HOXB6: variants seen among roughly 807,000 people sequenced by gnomAD.
The protein encoded by HOXB6 is homeobox B6.
A neutral mutation model predicts 24.2 loss-of-function variants in HOXB6; 18 were observed. That is an observed-to-expected ratio of 0.74 (90% CI 0.51 to 1.10). HOXB6 has a LOEUF of 1.10. Among genes scored for constraint, HOXB6 ranks in the 50% least tolerant of loss-of-function variants. The pLI is 0.00. For synonymous variants in HOXB6, 159 were observed against 139.1 expected (o/e 1.14, Z -1.01); for missense variants, 332 against 308.3 (o/e 1.08, Z -0.58).
At position 48,596,003 on chromosome 17, in the gene HOXB6, A is replaced by G. The variant is rs965230936; in HGVS notation, c.*410T>C. ...AGAGACGACAGGTCTGGGATCAGGG[A>G]GTCTTCAAGGCCCCCGCTGAGGGGA... On this transcript the variant is annotated 3_prime_UTR_variant, in exon 4 of 4. Coordinates refer to ENST00000225648, the MANE Select transcript of HOXB6 (RefSeq NM_018952.5). This position sits in a 1 kb window ranked among gnomAD's most constrained non-coding sequence, Gnocchi z 4.8. The G allele has an allele frequency of 4.3e-6, 2 of 462,132 alleles. No homozygotes were observed. The highest frequency in any genetic ancestry group is 4.0e-5 in the African/African-American group (2 of 50,356). 28.6% of individuals were successfully genotyped at this position (462,132 alleles called of 1,614,324 possible).
intron 2 of HOXB6, 48 bp downstream of exon 2, chr17:48,604,432 C>T (rs776575666): frequency 1.3e-5 from 2 of 152,310 alleles, no homozygotes; most frequent in African/African-American, 4.8e-5. Context: ...CCCCACCCTA[C>T]AAAAGCGATG....
Position 48,598,079 on chromosome 17 carries a change from C to G in HOXB6, c.72G>C (p.Gln24His), listed in dbSNP as rs1319853752. 1 of 1,605,364 alleles carries G rather than the reference C, an allele frequency of 6.2e-7. No homozygotes were observed. The highest frequency in any genetic ancestry group is 1.3e-5 in the African/African-American group (1 of 74,810). ...CATAGCCCGACGAATAGAGCGGTAG[C>G]TGGCCCAGGAAGGACTCCTGCCCGC... ...LASGQESFLG[Q>H]LPLYSSGYAD... Residue 24 changes from glutamine (Q) to histidine (H), a missense_variant, in exon 3 of 4, where the codon CAG becomes CAC. Transcript: ENST00000225648.
At position 48,596,446 on chromosome 17, in the gene HOXB6, A is replaced by T. The variant is rs761897641; in HGVS notation, c.642T>A (p.Ser214Arg). ...ESKLLSASQLSAEEEEEKQAE is the reference protein window; with the variant it reads ...ESKLLSASQLRAEEEEEKQAE ...CCTGTTTTTCTTCCTCCTCCTCGGCACTGAGCTGAGACGCGCTGAGCAGTT... is the reference window on the plus strand; with the variant it reads ...CCTGTTTTTCTTCCTCCTCCTCGGCTCTGAGCTGAGACGCGCTGAGCAGTT... Residue 214 changes from serine to arginine, a missense_variant, in exon 4 of 4, where the codon AGT becomes AGA. Physicochemically the swap from Ser to Arg is moderately radical, Grantham distance 110. Coordinates refer to ENST00000225648, the MANE Select transcript of HOXB6 (RefSeq NM_018952.5). The surrounding 1 kb of genome is among the most constrained non-coding windows in gnomAD (Gnocchi z 4.8). The T allele has an allele frequency of 6.2e-7, 1 of 1,613,994 alleles. No homozygotes were observed. Among genetic ancestry groups the T allele is most frequent in the South Asian group, 1.1e-5 (1 of 91,076 alleles).
intron 2 of HOXB6, chr17:48,601,884 C>A (rs1597880454): frequency 7.0e-6 from 2 of 285,112 alleles, no homozygotes; most frequent in Non-Finnish European, 1.4e-5. Flanking sequence ...TAATCAGTAA[C>A]CCGTGAGACA....
chr17:48,600,607 CA>C (rs1486202179), intron 2 of HOXB6: 11 of 450,154 alleles, frequency 2.4e-5, no homozygotes, highest in South Asian at 1.2e-4. Flanking sequence ...GCGGGCAGGG[CA>C]GGCCAGAGAC....
At chr17:48,600,525 C>T (rs549623208) in intron 2 of HOXB6, 4 of 455,780 alleles carry the variant, frequency 8.8e-6, no homozygotes, top group African/African-American at 2.0e-5. Context: ...AGCGCCTCAT[C>T]GCTCTTATCT....
At chr17:48,598,980 CTG>C (rs2070391406) in intron 2 of HOXB6, among the ~76,000 whole-genome samples, 2 of 152,164 alleles carry the variant, frequency 1.3e-5, no homozygotes, top group African/African-American at 4.8e-5. Context: ...CCTTCTGACT[CTG>C]TGGCTAGACT....
chr17:48,598,032 G>A lies in HOXB6; in HGVS notation c.119C>T (p.Pro40Leu). ...GCCCGGCCCTGGCCCGTAGGGCGCG[G>A]GGTAATGTCTCAGCGGGTCCGCATA... ...SGYADPLRHY[P>L]APYGPGPGQD... is the part of the protein sequence containing the mutation. The change falls in exon 3 of 4, where the codon CCC (proline) becomes CTC (leucine). Residue 40 changes from proline (P) to leucine (L), a missense_variant. By Grantham distance (98) the Pro-to-Leu change is moderately conservative. Transcript: ENST00000225648. 6.2e-7 allele frequency: 1 copy of A among 1,600,178 alleles called. No homozygotes were observed. The highest frequency in any genetic ancestry group is 1.3e-5 in the African/African-American group (1 of 74,796).
At position 48,596,723 on chromosome 17, in the gene HOXB6, C is replaced by G. The variant is rs769719985; in HGVS notation, c.416-51G>C. 1 of 1,602,976 alleles carries G rather than the reference C, an allele frequency of 6.2e-7. No homozygotes were observed. Among genetic ancestry groups the G allele is most frequent in the African/African-American group, 1.3e-5 (1 of 74,908 alleles). On this transcript the variant is annotated intron_variant, in intron 3 of 3. Coordinates refer to ENST00000225648, the MANE Select transcript of HOXB6 (RefSeq NM_018952.5). The surrounding 1 kb of genome is among the most constrained non-coding windows in gnomAD (Gnocchi z 4.8). ...GGCCTGCGGTCACCGGGCCCAGGAC[C>G]CCCTCCCCTAGTCGACCCTCGAACA...
At chr17:48,600,581 T>A in intron 2 of HOXB6, 1 of 453,654 alleles carries the variant, frequency 2.2e-6, no homozygotes, top group South Asian at 1.6e-5. Context: ...ATCCGTTTGT[T>A]TGGGAAAAAG....
rs554163577 is a variant in HOXB6, at chr17:48,598,340, C to G, written c.-78-112G>C. On this transcript the variant is annotated intron_variant, in intron 2 of 3. Transcript: ENST00000225648. Reference sequence around the variant, plus strand: ...ATCCAACACTGACCAATGGCAGAGGCAGGAATTGTCAAATAGCACCCAGGA... The same window carrying G: ...ATCCAACACTGACCAATGGCAGAGGGAGGAATTGTCAAATAGCACCCAGGA... The G allele has an allele frequency of 8.6e-6, 5 of 578,896 alleles. No individual in the cohort carries two copies. In the East Asian group the frequency reaches 1.5e-4, roughly 17 times the overall value. 35.9% of individuals were successfully genotyped at this position (578,896 alleles called of 1,614,324 possible).
Position 48,596,268 on chromosome 17 carries a change from A to G in HOXB6, c.*145T>C. On this transcript the variant is annotated 3_prime_UTR_variant, in exon 4 of 4. Transcript: ENST00000225648. This position sits in a 1 kb window ranked among gnomAD's most constrained non-coding sequence, Gnocchi z 4.8. ...GGGAGCTGTGCGGGCGGGGGCGTCCAGGAGAGCGCTGGGCCCCGCCTGTCT... is the reference window on the plus strand; with the variant it reads ...GGGAGCTGTGCGGGCGGGGGCGTCCGGGAGAGCGCTGGGCCCCGCCTGTCT... 7.7e-7 allele frequency: 1 copy of G among 1,304,406 alleles called. No homozygotes were observed. The highest frequency in any genetic ancestry group is 1.1e-6 in the Non-Finnish European group (1 of 909,334). The allele number at this position is 1,304,406 out of a possible 1,614,324, so 80.8% of individuals were successfully genotyped here.
In HOXB6 at chr17:48,597,006, C is replaced by T. The variant is rs114989090; in HGVS notation, c.416-334G>A. On this transcript the variant is annotated intron_variant, in intron 3 of 3. Coordinates refer to ENST00000225648, the MANE Select transcript of HOXB6 (RefSeq NM_018952.5). ...CCATCTTGTTCCCACCCCCCGTCAT[C>T]CCCCCAACCCAATGATAAATCCAGG... is the stretch of plus-strand genomic sequence containing the variant. The T allele has an allele frequency of 7.4e-3, 7,657 of 1,030,174 alleles. 42 individuals carry two copies. The highest frequency in any genetic ancestry group is 8.1e-3 in the Non-Finnish European group (6,398 of 789,062). The allele number at this position is 1,030,174 out of a possible 1,614,324, so 63.8% of individuals were successfully genotyped here.
intron 2 of HOXB6, chr17:48,602,078 G>A (rs777116356): frequency 1.1e-5 from 5 of 455,900 alleles, no homozygotes; most frequent in African/African-American, 8.0e-5. Context: ...TATTTAGGTA[G>A]ACTTCGCTTG....
At position 48,596,140 on chromosome 17, in the gene HOXB6, G is replaced by A. The variant is rs534019971; in HGVS notation, c.*273C>T. ...AAACATCAAGTGAGTCCGCTCCTCA[G>A]TTCTCACCAGGAAGCCTGATCAGGC... On this transcript the variant is annotated 3_prime_UTR_variant, in exon 4 of 4. Transcript: ENST00000225648. This position sits in a 1 kb window ranked among gnomAD's most constrained non-coding sequence, Gnocchi z 4.8. 4.6e-6 allele frequency: 3 copies of A among 659,230 alleles called. No individual in the cohort carries two copies. The highest frequency in any genetic ancestry group is 8.4e-6 in the Non-Finnish European group (3 of 357,330). 40.8% of individuals were successfully genotyped at this position (659,230 alleles called of 1,614,324 possible). A position where few individuals can be genotyped will look rare whatever the true frequency, so the allele number is the denominator to read the frequency against.
At chr17:48,599,940 G>T (rs946221979) in intron 2 of HOXB6, among the ~76,000 whole-genome samples, 1 of 152,262 alleles carries the variant, frequency 6.6e-6, no homozygotes, top group Admixed American at 6.5e-5. Flanking sequence ...GATCACCAAG[G>T]GTGGGAACTT....
In HOXB6 at chr17:48,598,062, G is replaced by A. The variant is rs1177675427; in HGVS notation, c.89C>T (p.Ser30Leu). Reference sequence around the variant, plus strand: ...ATGTCTCAGCGGGTCCGCATAGCCCGACGAATAGAGCGGTAGCTGGCCCAG... The same window carrying A: ...ATGTCTCAGCGGGTCCGCATAGCCCAACGAATAGAGCGGTAGCTGGCCCAG... ...SFLGQLPLYS[S>L]GYADPLRHYP... The change falls in exon 3 of 4, where the codon TCG becomes TTG. Residue 30 changes from serine to leucine, a missense_variant. Transcript: ENST00000225648. 1.2e-6 allele frequency: 2 copies of A among 1,604,340 alleles called. No individual in the cohort carries two copies. Among genetic ancestry groups the A allele is most frequent in the African/African-American group, 1.3e-5 (1 of 74,802 alleles).
Position 48,600,568 on chromosome 17 carries a change from CT to C in HOXB6, c.-78-2341del, listed in dbSNP as rs1218312407. On this transcript the variant is annotated intron_variant, in intron 2 of 3. Coordinates refer to ENST00000225648, the MANE Select transcript of HOXB6 (RefSeq NM_018952.5). ...GAGGTATTTATGAGCGTTTATTCGT[CT>C]GATCCGTTTGTTTGGGAAAAAGAGC... The C allele has an allele frequency of 2.2e-5, 10 of 454,796 alleles. No individual in the cohort carries two copies. The East Asian group carries it at 6.9e-4, about 32-fold the overall frequency. The allele number at this position is 454,796 out of a possible 1,614,324, so 28.2% of individuals were successfully genotyped here.
At chr17:48,602,805 G>A (rs9897918) in intron 2 of HOXB6, among the ~76,000 whole-genome samples, 5,820 of 152,342 alleles carry the variant, frequency 0.038, 177 homozygotes, top group African/African-American at 0.09. Context: ...CTGTCTAAGG[G>A]AGGATTTATA....
Sources: gnomAD v4.1 joint callset for allele counts (sites outside exome capture counted in the v4.1 genomes callset) on GRCh38, gnomAD v4.1.1 for gene constraint, Gnocchi (gnomAD v3.1) non-coding constraint, MANE v1.5 for transcripts, NCBI Gene and HGNC (gene_info 2026-07-23, HGNC 2026-07-21) for gene names.